The following RERG variants were observed in gnomAD, a reference collection of about 807,000 sequenced individuals.
RERG encodes RAS like estrogen regulated growth inhibitor.
RERG carries 25 observed loss-of-function variants against 23.2 expected under a neutral mutation model. The observed-to-expected ratio is 1.08, with a 90% CI of 0.79 to 1.50. RERG has a LOEUF of 1.50. Ranked by LOEUF, RERG falls within the 40% of genes most tolerant of loss-of-function variation. RERG has a pLI of 0.00. For missense variants in RERG, 253 were observed against 250.1 expected, an observed-to-expected ratio of 1.01 and a Z score of -0.08; for synonymous variants, 81 against 89.1, an observed-to-expected ratio of 0.91 and a Z score of 0.51.
At chr12:15,189,936 A>G (rs2216225) in intron 2 of RERG, among the ~76,000 whole-genome samples, 10,804 of 152,224 alleles carry the variant, frequency 0.071, 504 homozygotes, top group East Asian at 0.25. Context: ...AACTCTACAC[A>G]TTCCCAAATA....
chr12:15,194,730 G>A (rs749766192), intron 2 of RERG, among the ~76,000 whole-genome samples: 1 of 152,106 alleles, frequency 6.6e-6, no homozygotes, highest in Non-Finnish European at 1.5e-5. Context: ...AGGATCTCTT[G>A]CTGTGTCCAT....
chr12:15,157,589 A>G (rs1038753584), intron 2 of RERG, among the ~76,000 whole-genome samples: 1 of 152,198 alleles, frequency 6.6e-6, no homozygotes, highest in African/African-American at 2.4e-5. Context: ...TGGTTCCCAC[A>G]TTATACTTAC....
Position 15,221,329 on chromosome 12 carries a change from T to C in RERG, c.-249A>G, listed in dbSNP as rs1865509899. On this transcript the variant is annotated 5_prime_UTR_variant, in exon 1 of 5. Transcript: ENST00000256953. Reference sequence around the variant, plus strand: ...TTTGCGAGTTGCTGGGCTGCGGTCGTGGGTGGGACTCGCCGCAGAAGCAAG... The same window carrying C: ...TTTGCGAGTTGCTGGGCTGCGGTCGCGGGTGGGACTCGCCGCAGAAGCAAG... 6.6e-6 allele frequency: 1 copy of C among 152,236 alleles called. No homozygotes were observed. Among genetic ancestry groups the C allele is most frequent in the South Asian group, 2.1e-4 (1 of 4,832 alleles). The allele number at this position is 152,236 out of a possible 1,614,324, so 9.4% of individuals were successfully genotyped here. A position where few individuals can be genotyped will look rare whatever the true frequency, so the allele number is the denominator to read the frequency against.
intron 2 of RERG, chr12:15,138,109 A>G: frequency 4.0e-6 from 1 of 249,354 alleles, no homozygotes; most frequent in Non-Finnish European, 8.1e-6. Context: ...TTGCTTGCAT[A>G]ATTTCTGAGG....
At chr12:15,185,974 T>C (rs918075991) in intron 2 of RERG, among the ~76,000 whole-genome samples, 3 of 152,008 alleles carry the variant, frequency 2.0e-5, no homozygotes, top group African/African-American at 7.2e-5. Context: ...GAGAATACTA[T>C]GAAGCAAATT....
chr12:15,113,758 A>G (rs1254052795), intron 3 of RERG, among the ~76,000 whole-genome samples: 1 of 152,072 alleles, frequency 6.6e-6, no homozygotes, highest in Non-Finnish European at 1.5e-5. Flanking sequence ...AGAAAATCCT[A>G]GGAAAATGGA....
chr12:15,168,148 A>G (rs918393165), intron 2 of RERG, among the ~76,000 whole-genome samples: 1 of 152,226 alleles, frequency 6.6e-6, no homozygotes, highest in African/African-American at 2.4e-5. Context: ...TTTCCAAAGA[A>G]GATTGCATTT....
chr12:15,130,517 G>A (rs1421837185), intron 2 of RERG, among the ~76,000 whole-genome samples: 1 of 151,438 alleles, frequency 6.6e-6, no homozygotes, highest in Non-Finnish European at 1.5e-5. Flanking sequence ...TATTTCACCT[G>A]TCCTCTTTTT....
chr12:15,188,559 A>G (rs952487518), intron 2 of RERG, among the ~76,000 whole-genome samples: 1 of 152,002 alleles, frequency 6.6e-6, no homozygotes, highest in Admixed American at 6.5e-5. Flanking sequence ...CATGGCATTC[A>G]TCTTCCCTGA....
chr12:15,160,216 T>C (rs1015605466), intron 2 of RERG, among the ~76,000 whole-genome samples: 3 of 152,144 alleles, frequency 2.0e-5, no homozygotes, highest in African/African-American at 7.2e-5. Flanking sequence ...CTTGATATTG[T>C]ACTGAAAACA....
intron 2 of RERG, among the ~76,000 whole-genome samples, chr12:15,155,969 C>G (rs1451634395): frequency 6.7e-6 from 1 of 148,862 alleles, no homozygotes; most frequent in Non-Finnish European, 1.5e-5. Flanking sequence ...ACAAAGTGCA[C>G]ATGTACCCTA....
intron 2 of RERG, among the ~76,000 whole-genome samples, chr12:15,159,325 G>A (rs1038615885): frequency 6.6e-6 from 1 of 152,094 alleles, no homozygotes; most frequent in Admixed American, 6.5e-5. Context: ...AGTAGTTCAT[G>A]CTTTTGCATA....
At chr12:15,135,080 T>C (rs1342924918) in intron 2 of RERG, among the ~76,000 whole-genome samples, 2 of 152,236 alleles carry the variant, frequency 1.3e-5, no homozygotes, top group Non-Finnish European at 2.9e-5. Flanking sequence ...TTAGTTTTTC[T>C]CTAATTTCTC....
rs574405857 is a variant in RERG, at chr12:15,201,483, G to A, written c.61+15946C>T. Among the ~76,000 whole-genome samples, 107 of 151,382 alleles carry A rather than the reference G, an allele frequency of 7.1e-4. 1 individual carries two copies. In the South Asian group the frequency reaches 0.022, roughly 31 times the overall value. On this transcript the variant is annotated intron_variant, in intron 2 of 4. Transcript: ENST00000256953. The stretch of plus-strand genomic sequence containing the variant: ...GAATTTATGAGTTCATCTGTGTGAA[G>A]TACCATGGCAATGGCTGGCTTATGG...
intron 4 of RERG, among the ~76,000 whole-genome samples, chr12:15,109,753 G>T (rs930861570): frequency 7.9e-5 from 12 of 152,014 alleles, no homozygotes; most frequent in African/African-American, 2.9e-4. Flanking sequence ...TTAAATTTCT[G>T]CTTTTAATTT....
intron 2 of RERG, among the ~76,000 whole-genome samples, chr12:15,137,223 C>T (rs1232567669): frequency 6.6e-6 from 1 of 151,636 alleles, no homozygotes; most frequent in East Asian, 1.9e-4. Context: ...ATTAATATAG[C>T]TATTCCAGTT....
chr12:15,119,636 A>T (rs1863796373), intron 3 of RERG, among the ~76,000 whole-genome samples: 1 of 152,196 alleles, frequency 6.6e-6, no homozygotes, highest in African/African-American at 2.4e-5. Context: ...ATCATCTTAA[A>T]ATTAGTGTGG....
intron 2 of RERG, among the ~76,000 whole-genome samples, chr12:15,190,358 A>C (rs1591664102): frequency 6.6e-6 from 1 of 152,294 alleles, no homozygotes; most frequent in East Asian, 1.9e-4. Flanking sequence ...AGAAAGTTTA[A>C]GAATTTGTTT....
At chr12:15,204,577 C>T (rs1865259891) in intron 2 of RERG, among the ~76,000 whole-genome samples, 1 of 151,558 alleles carries the variant, frequency 6.6e-6, no homozygotes, top group Admixed American at 6.6e-5. Context: ...TTTTGAAATA[C>T]AATAAATAAG....
Sources: gnomAD v4.1 joint callset for allele counts (sites outside exome capture counted in the v4.1 genomes callset) on GRCh38, gnomAD v4.1.1 for gene constraint, MANE v1.5 for transcripts, NCBI Gene and HGNC (gene_info 2026-07-23, HGNC 2026-07-21) for gene names.